Variants in RARB observed in about 807,000 individuals in gnomAD.
RARB encodes HBV-activated protein.
In RARB, 17 loss-of-function variants were observed where a neutral mutation model predicts 51.9. That is an observed-to-expected ratio of 0.33 (90% confidence interval 0.22 to 0.49). The LOEUF is 0.49. Ranked by LOEUF, RARB falls within the 20% of genes least tolerant of loss-of-function variation. The pLI, the probability that RARB is intolerant of heterozygous loss-of-function variation, is 0.99. For missense variants in RARB, 369 were observed against 550.8 expected (o/e 0.67, Z 3.30); for synonymous variants, 215 against 195.4 (o/e 1.10, Z -0.84).
At chr3:25,022,207 C>T (rs568280948) in intron 2 of RARB, among the ~76,000 whole-genome samples, 100 of 152,268 alleles carry the variant, frequency 6.6e-4, no homozygotes, top group South Asian at 1.9e-3. Context: ...ACAAACAGAA[C>T]GTGACCAGCA....
chr3:25,412,365 C>T (rs79025451), intron 5 of RARB, among the ~76,000 whole-genome samples: 12,535 of 152,110 alleles, frequency 0.082, 639 homozygotes, highest in South Asian at 0.14. Flanking sequence ...TAGATATTGG[C>T]ATGCAGTTTC....
intron 3 of RARB, among the ~76,000 whole-genome samples, chr3:25,524,129 C>G (rs1698531900): frequency 6.6e-6 from 1 of 152,124 alleles, no homozygotes; most frequent in Non-Finnish European, 1.5e-5. Context: ...ATCCAAGAAG[C>G]ATTTGAAATC....
intron 2 of RARB, among the ~76,000 whole-genome samples, chr3:24,900,672 T>G (rs1703584635): frequency 6.6e-6 from 1 of 152,166 alleles, no homozygotes; most frequent in Non-Finnish European, 1.5e-5. Context: ...ATAGAGTTGT[T>G]TGCCTATTTT....
At chr3:24,937,113 G>C (rs1269830234) in intron 2 of RARB, among the ~76,000 whole-genome samples, 1 of 152,148 alleles carries the variant, frequency 6.6e-6, no homozygotes, top group African/African-American at 2.4e-5. Context: ...AAAAGTGATT[G>C]TCTCATATAA....
At chr3:25,368,764 G>A (rs1033586086) in intron 5 of RARB, among the ~76,000 whole-genome samples, 1 of 152,068 alleles carries the variant, frequency 6.6e-6, no homozygotes, top group Admixed American at 6.6e-5. Context: ...ATCCAGTGCT[G>A]GCCTGGAGTC....
At chr3:25,190,394 T>C (rs1003531580) in intron 5 of RARB, among the ~76,000 whole-genome samples, 2 of 152,092 alleles carry the variant, frequency 1.3e-5, no homozygotes, top group African/African-American at 2.4e-5. Flanking sequence ...TGTGCAACTA[T>C]ATATGCATAT....
chr3:25,436,532 A>C (rs1409202219), intron 1 of RARB, among the ~76,000 whole-genome samples: 1 of 152,202 alleles, frequency 6.6e-6, no homozygotes, highest in Non-Finnish European at 1.5e-5. Flanking sequence ...TTAATTGTTC[A>C]CTGGGGCCCT....
At chr3:24,869,018 G>A (rs73823006) in intron 2 of RARB, among the ~76,000 whole-genome samples, 107 of 152,250 alleles carry the variant, frequency 7.0e-4, no homozygotes, top group African/African-American at 2.4e-3. Context: ...GGTGACTCAT[G>A]TTTGGCTCAG....
chr3:24,914,336 T>TC (rs1695062108), intron 2 of RARB, among the ~76,000 whole-genome samples: 1 of 152,190 alleles, frequency 6.6e-6, no homozygotes, highest in Non-Finnish European at 1.5e-5. Flanking sequence ...CACTGAAGTT[T>TC]CAAAGCTTTT....
chr3:25,068,219 C>T (rs979121225), intron 3 of RARB, among the ~76,000 whole-genome samples: 2 of 147,976 alleles, frequency 1.4e-5, no homozygotes, highest in Non-Finnish European at 3.0e-5. Context: ...CTGTCCCCCT[C>T]TCCCACTCTG....
At chr3:25,030,900 A>G (rs1400805181) in intron 2 of RARB, among the ~76,000 whole-genome samples, 2 of 152,208 alleles carry the variant, frequency 1.3e-5, no homozygotes, top group East Asian at 1.9e-4. Flanking sequence ...TTCCCTTTCA[A>G]CAGGGGCAGG....
At chr3:25,181,348 ATAACTTTTCCTTC>A (rs905004687) in intron 5 of RARB, among the ~76,000 whole-genome samples, 1 of 152,178 alleles carries the variant, frequency 6.6e-6, no homozygotes, top group African/African-American at 2.4e-5. Context: ...AGTTGTTTTC[ATAACTTTTCCTTC>A]ACTGCTTATC....
chr3:25,506,480 G>C (rs957519870), intron 3 of RARB, among the ~76,000 whole-genome samples: 16 of 151,868 alleles, frequency 1.1e-4, no homozygotes, highest in African/African-American at 3.9e-4. Flanking sequence ...TGATGGTGTG[G>C]ACCTGTGGTC....
intron 5 of RARB, among the ~76,000 whole-genome samples, chr3:25,203,701 G>C (rs1270893482): frequency 6.6e-6 from 1 of 152,144 alleles, no homozygotes; most frequent in Non-Finnish European, 1.5e-5. Flanking sequence ...AGCTTAGTTT[G>C]GCTGGATATG....
At chr3:25,019,663 A>G (rs911612289) in intron 2 of RARB, among the ~76,000 whole-genome samples, 1 of 152,236 alleles carries the variant, frequency 6.6e-6, no homozygotes, top group African/African-American at 2.4e-5. Flanking sequence ...CAAAAGACAG[A>G]CAGGTAAGGT....
intron 3 of RARB, among the ~76,000 whole-genome samples, chr3:25,554,822 G>A (rs1231004562): frequency 1.3e-5 from 2 of 152,188 alleles, no homozygotes; most frequent in Admixed American, 1.3e-4. Context: ...GGGAATCTCT[G>A]TGGTGTCCCA....
chr3:25,573,219 G>A (rs1388311450), intron 4 of RARB, among the ~76,000 whole-genome samples: 3 of 152,046 alleles, frequency 2.0e-5, no homozygotes, highest in African/African-American at 7.2e-5. Context: ...TGCTTCCTGG[G>A]ATCTCCTCCC....
chr3:25,164,742 T>C (rs1479302871), intron 4 of RARB, among the ~76,000 whole-genome samples: 1 of 152,228 alleles, frequency 6.6e-6, no homozygotes, highest in African/African-American at 2.4e-5. Context: ...TCCATAAACT[T>C]ATTTTCAAAT....
intron 3 of RARB, among the ~76,000 whole-genome samples, chr3:25,106,011 G>A (rs1423000138): frequency 2.0e-5 from 3 of 152,138 alleles, no homozygotes; most frequent in Admixed American, 6.5e-5. Flanking sequence ...CATTTAGACT[G>A]CAGTAGCTAC....
Sources: gnomAD v4.1 joint callset for allele counts (sites outside exome capture counted in the v4.1 genomes callset) on GRCh38, gnomAD v4.1.1 for gene constraint, MANE v1.5 for transcripts, NCBI Gene and HGNC (gene_info 2026-07-23, HGNC 2026-07-21) for gene names.